Variants in PGCKA1 observed in about 807,000 individuals in gnomAD.
PGCKA1 encodes PDCD10 and GCKIII kinases associated 1.
chr4:37,556,718 C>G, the PGCKA1 span, among the ~76,000 whole-genome samples: 1 of 152,188 alleles, frequency 6.6e-6, no homozygotes, highest in Non-Finnish European at 1.5e-5. Context: ...TGTTTGTACT[C>G]TGAATGATAT....
the PGCKA1 span, among the ~76,000 whole-genome samples, chr4:37,493,399 G>C: frequency 6.6e-6 from 1 of 152,004 alleles, no homozygotes; most frequent in Non-Finnish European, 1.5e-5. Flanking sequence ...ACTTCATGAC[G>C]TATTAGTTTT....
chr4:37,561,113 T>C, the PGCKA1 span, among the ~76,000 whole-genome samples: 1 of 152,172 alleles, frequency 6.6e-6, no homozygotes, highest in African/African-American at 2.4e-5. Context: ...GAAATTCAGG[T>C]GCACTGTTCC....
the PGCKA1 span, among the ~76,000 whole-genome samples, chr4:37,515,089 C>T: frequency 7.1e-3 from 1,080 of 152,236 alleles, 9 homozygotes; most frequent in African/African-American, 0.025. Flanking sequence ...TCTTAGGAGG[C>T]AGGGCCTTAG....
the PGCKA1 span, among the ~76,000 whole-genome samples, chr4:37,542,521 A>G: frequency 2.0e-5 from 3 of 152,318 alleles, no homozygotes; most frequent in Admixed American, 1.3e-4. Context: ...AAAAAACGCC[A>G]TTTAAGAACG....
the PGCKA1 span, among the ~76,000 whole-genome samples, chr4:37,541,467 A>G: frequency 1.3e-5 from 2 of 152,206 alleles, no homozygotes; most frequent in Non-Finnish European, 1.5e-5. Context: ...GGTGGTGATG[A>G]GCAGAAATGA....
At chr4:37,549,523 CTAAACA>C in the PGCKA1 span, among the ~76,000 whole-genome samples, 1 of 152,280 alleles carries the variant, frequency 6.6e-6, no homozygotes, top group East Asian at 1.9e-4. Context: ...TAGGCAAAAC[CTAAACA>C]TAAAGTCCCC....
chr4:37,566,214 A>AT, the PGCKA1 span, among the ~76,000 whole-genome samples: 3 of 151,930 alleles, frequency 2.0e-5, no homozygotes, highest in Non-Finnish European at 4.4e-5. Flanking sequence ...ACCTTGCCGC[A>AT]TAGCACAACA....
At chr4:37,591,212 A>G in the PGCKA1 span, 1 of 469,446 alleles carries the variant, frequency 2.1e-6, no homozygotes, top group Non-Finnish European at 3.8e-6. Flanking sequence ...GCTGTCATTC[A>G]GGACACTAGG....
At chr4:37,578,299 T>A in the PGCKA1 span, among the ~76,000 whole-genome samples, 1 of 152,258 alleles carries the variant, frequency 6.6e-6, no homozygotes, top group Non-Finnish European at 1.5e-5. Context: ...CATTATGTAA[T>A]GACCTTCTTT....
the PGCKA1 span, among the ~76,000 whole-genome samples, chr4:37,489,939 T>C: frequency 1.3e-5 from 2 of 152,118 alleles, no homozygotes; most frequent in East Asian, 3.8e-4. Context: ...CCTTCTGAGA[T>C]TGACTGAACC....
chr4:37,583,318 G>T, the PGCKA1 span, among the ~76,000 whole-genome samples: 1 of 152,178 alleles, frequency 6.6e-6, no homozygotes, highest in Non-Finnish European at 1.5e-5. Context: ...GAACTCCTGG[G>T]CTTCCCTGGA....
At chr4:37,539,981 C>T in the PGCKA1 span, among the ~76,000 whole-genome samples, 27 of 152,100 alleles carry the variant, frequency 1.8e-4, no homozygotes, top group Admixed American at 3.9e-4. Context: ...TTATAAGATA[C>T]TACACCTTAC....
At chr4:37,477,441 T>C in the PGCKA1 span, among the ~76,000 whole-genome samples, 9 of 152,144 alleles carry the variant, frequency 5.9e-5, no homozygotes, top group Non-Finnish European at 8.8e-5. Flanking sequence ...GGGATATCTT[T>C]TGGCAGTGAT....
chr4:37,548,318 G>A, the PGCKA1 span, among the ~76,000 whole-genome samples: 1 of 152,090 alleles, frequency 6.6e-6, no homozygotes, highest in Non-Finnish European at 1.5e-5. Context: ...GGAGGCATAA[G>A]AATGTGGATT....
At chr4:37,503,156 G>A in the PGCKA1 span, among the ~76,000 whole-genome samples, 1 of 152,156 alleles carries the variant, frequency 6.6e-6, no homozygotes, top group African/African-American at 2.4e-5. Flanking sequence ...TGATGGCCAA[G>A]GGGTCTCCTC....
At chr4:37,571,777 T>C in the PGCKA1 span, among the ~76,000 whole-genome samples, 3 of 151,958 alleles carry the variant, frequency 2.0e-5, no homozygotes, top group African/African-American at 4.8e-5. Flanking sequence ...GACCTCGTGA[T>C]CTGCCCGCCT....
chr4:37,476,142 GATCA>G, the PGCKA1 span, among the ~76,000 whole-genome samples: 1 of 151,982 alleles, frequency 6.6e-6, no homozygotes, highest in Non-Finnish European at 1.5e-5. Flanking sequence ...AGGATAATAT[GATCA>G]ATCATTCAAG....
chr4:37,495,788 T>C, the PGCKA1 span, among the ~76,000 whole-genome samples: 1 of 152,048 alleles, frequency 6.6e-6, no homozygotes, highest in Non-Finnish European at 1.5e-5. Flanking sequence ...CAAACCACCA[T>C]GGCAAGTGTA....
chr4:37,591,091 G>A, the PGCKA1 span: 1 of 1,071,968 alleles, frequency 9.3e-7, no homozygotes. Context: ...GATTCTGCCA[G>A]CATGCACCAG....
Sources: allele counts gnomAD v4.1 joint callset (sites outside exome capture counted in the v4.1 genomes callset), GRCh38; gene constraint gnomAD v4.1.1; transcripts MANE v1.5; gene names NCBI Gene and HGNC (gene_info 2026-07-23, HGNC 2026-07-21).